Variants in SNTG1 observed in about 807,000 individuals in gnomAD.
SNTG1 encodes the protein gamma-1-syntrophin.
Under a neutral mutation model 74.7 loss-of-function variants are expected in SNTG1, and 39 were observed. That is an observed-to-expected ratio of 0.52 (90% CI 0.40 to 0.68). SNTG1 has a LOEUF of 0.68. Ranked by LOEUF, SNTG1 falls within the 30% of genes least tolerant of loss-of-function variation. The probability of loss-of-function intolerance (pLI) is 0.00; values close to 1 mark genes in which losing one functional copy is unlikely to be tolerated. For missense variants in SNTG1, 685 were observed against 609.5 expected (o/e 1.12, Z -1.30); for synonymous variants, 254 against 217.1 (o/e 1.17, Z -1.49).
At chr8:50,355,083 G>A (rs1425176961) in intron 2 of SNTG1, among the ~76,000 whole-genome samples, 1 of 152,060 alleles carries the variant, frequency 6.6e-6, no homozygotes, top group Non-Finnish European at 1.5e-5. Context: ...GGTGTGGAAG[G>A]CTATTTTAAA....
At position 49,977,366 on chromosome 8, in the gene SNTG1, T is replaced by C. The variant is rs1417340186; in HGVS notation, c.-103+65135T>C. The stretch of plus-strand genomic sequence containing the variant: ...TTCATTCCCATTTTGAACGCAGTGC[T>C]TTGTTTGAAACTAGGAAGGATATGA... On this transcript the variant is annotated intron_variant, in intron 1 of 18. Transcript: ENST00000642720. Among the ~76,000 whole-genome samples, 8 of 152,284 alleles carry C rather than the reference T, an allele frequency of 5.3e-5. No individual in the cohort carries two copies. The East Asian group carries it at 1.5e-3, about 29-fold the overall frequency.
At chr8:50,713,112 C>A (rs1199955014) in intron 17 of SNTG1, among the ~76,000 whole-genome samples, 1 of 152,182 alleles carries the variant, frequency 6.6e-6, no homozygotes, top group African/African-American at 2.4e-5. Flanking sequence ...TTTACACTCC[C>A]CACCAACAGT....
chr8:50,283,274 T>G (rs1205192230), intron 2 of SNTG1, among the ~76,000 whole-genome samples: 1 of 152,234 alleles, frequency 6.6e-6, no homozygotes, highest in African/African-American at 2.4e-5. Flanking sequence ...AGGAAATTCT[T>G]ACCTAGTTCA....
intron 1 of SNTG1, among the ~76,000 whole-genome samples, chr8:50,073,842 G>A (rs1399592404): frequency 4.6e-5 from 7 of 151,152 alleles, no homozygotes; most frequent in Non-Finnish European, 8.8e-5. Flanking sequence ...TTTTTTCTGA[G>A]AAGCAGGTCT....
At chr8:50,665,621 T>C (rs577956695) in intron 15 of SNTG1, among the ~76,000 whole-genome samples, 3 of 152,098 alleles carry the variant, frequency 2.0e-5, no homozygotes, top group Non-Finnish European at 4.4e-5. Flanking sequence ...AAGATGAGGC[T>C]AAGTCATATT....
At chr8:50,075,573 A>T (rs968932510) in intron 1 of SNTG1, among the ~76,000 whole-genome samples, 1 of 152,188 alleles carries the variant, frequency 6.6e-6, no homozygotes, top group Admixed American at 6.5e-5. Flanking sequence ...GGGGCCAGAT[A>T]AGGGAATAAA....
intron 1 of SNTG1, among the ~76,000 whole-genome samples, chr8:49,938,371 C>T (rs72639805): frequency 2.0e-5 from 3 of 151,984 alleles, no homozygotes; most frequent in African/African-American, 2.4e-5. Context: ...TAATTATAAT[C>T]CCCACTATTT....
At chr8:50,144,143 C>T (rs1411756579) in intron 1 of SNTG1, among the ~76,000 whole-genome samples, 1 of 152,066 alleles carries the variant, frequency 6.6e-6, no homozygotes, top group African/African-American at 2.4e-5. Flanking sequence ...GAATGAAATG[C>T]CTACTTAAAA....
At chr8:50,691,599 A>G in intron 15 of SNTG1, among the ~76,000 whole-genome samples, 1 of 152,148 alleles carries the variant, frequency 6.6e-6, no homozygotes, top group East Asian at 1.9e-4. Context: ...TGGCTTGTAG[A>G]GTTTCTGCCG....
intron 1 of SNTG1, among the ~76,000 whole-genome samples, chr8:50,101,872 T>C (rs2080141731): frequency 6.6e-6 from 1 of 152,154 alleles, no homozygotes; most frequent in South Asian, 2.1e-4. Context: ...TCCATGTCCC[T>C]ACAAAGGACA....
Position 49,942,018 on chromosome 8 carries a change from C to T in SNTG1, c.-103+29787C>T, listed in dbSNP as rs1182846514. ...CTAGTGGCATATATGAGAATGTACA[C>T]AAATAATTAGAGATAAATATAGCTC... On this transcript the variant is annotated intron_variant, in intron 1 of 18. Coordinates refer to ENST00000642720, the MANE Select transcript of SNTG1 (RefSeq NM_018967.5). Among the ~76,000 whole-genome samples the T allele has an allele frequency of 6.6e-5, 10 of 152,036 alleles. No individual in the cohort carries two copies. The East Asian group carries it at 1.9e-3, about 29-fold the overall frequency.
intron 6 of SNTG1, 107 bp from the exon 7 acceptor site, chr8:50,450,449 C>A: frequency 8.7e-7 from 1 of 1,147,668 alleles, no homozygotes; most frequent in Non-Finnish European, 1.3e-6. Context: ...CCATATAAGA[C>A]ACTTAATTTT....
intron 2 of SNTG1, among the ~76,000 whole-genome samples, chr8:50,350,906 C>A (rs183996604): frequency 6.6e-6 from 1 of 152,174 alleles, no homozygotes; most frequent in African/African-American, 2.4e-5. Context: ...GAAAGCAGGC[C>A]GCCCAAACCA....
intron 9 of SNTG1, among the ~76,000 whole-genome samples, chr8:50,509,548 G>A (rs1173700788): frequency 6.6e-6 from 1 of 152,108 alleles, no homozygotes; most frequent in Non-Finnish European, 1.5e-5. Context: ...CTACCCATGA[G>A]CATGGAATGT....
chr8:49,957,597 G>T (rs980413811), intron 1 of SNTG1, among the ~76,000 whole-genome samples: 3 of 152,264 alleles, frequency 2.0e-5, no homozygotes, highest in East Asian at 3.9e-4. Flanking sequence ...AGAATGCAGA[G>T]AACCCTCGAT....
chr8:50,075,609 C>T (rs924481663), intron 1 of SNTG1, among the ~76,000 whole-genome samples: 22 of 152,192 alleles, frequency 1.4e-4, no homozygotes, highest in Non-Finnish European at 3.2e-4. Context: ...CCAGCAGTGG[C>T]AACACGTTGG....
rs1030803354 is a variant in SNTG1 at position 49,924,989 on chromosome 8, C to T, written c.-103+12758C>T. 5.3e-5 allele frequency among the ~76,000 whole-genome samples: 8 copies of T among 151,756 alleles called. No individual in the cohort carries two copies. The East Asian group carries it at 1.4e-3, about 26-fold the overall frequency. ...ACAAAGTGAGACCCCCCCATCACTA[C>T]AAAAAGTAAAGTAATTATCCGGATG... is the stretch of plus-strand genomic sequence containing the variant. On this transcript the variant is annotated intron_variant, in intron 1 of 18. Coordinates refer to ENST00000642720, the MANE Select transcript of SNTG1 (RefSeq NM_018967.5).
intron 7 of SNTG1, 25 bp from the exon 8 acceptor site, chr8:50,450,663 A>G (rs781411406): frequency 6.2e-7 from 1 of 1,613,332 alleles, no homozygotes; most frequent in Non-Finnish European, 8.5e-7. Context: ...TGCCATGGGA[A>G]ACTATGCTTT....
At chr8:50,244,163 G>T (rs976704126) in intron 2 of SNTG1, among the ~76,000 whole-genome samples, 1 of 151,984 alleles carries the variant, frequency 6.6e-6, no homozygotes, top group Non-Finnish European at 1.5e-5. Flanking sequence ...GTGGGAAGGG[G>T]AGTACCATAA....
Sources: gnomAD v4.1 joint callset for allele counts (sites outside exome capture counted in the v4.1 genomes callset) on GRCh38, gnomAD v4.1.1 for gene constraint, MANE v1.5 for transcripts, NCBI Gene and HGNC (gene_info 2026-07-23, HGNC 2026-07-21) for gene names.